The following IKZF2 variants were observed in gnomAD, a reference collection of about 807,000 sequenced individuals.
IKZF2 encodes the protein zinc finger protein Helios.
IKZF2 carries 15 observed loss-of-function variants against 49.2 expected under a neutral mutation model. The ratio of observed to expected loss-of-function variants is 0.30; its 90% CI spans 0.20 to 0.47. The LOEUF (loss-of-function observed/expected upper bound fraction) is 0.47. IKZF2 is among the 20% of genes least tolerant of loss of function. The pLI, the probability that IKZF2 is intolerant of heterozygous loss-of-function variation, is 1.00. For synonymous variants in IKZF2, 227 were observed against 221.4 expected, an observed-to-expected ratio of 1.03 and a Z score of -0.23; for missense variants, 567 against 664.6, an observed-to-expected ratio of 0.85 and a Z score of 1.61.
intron 5 of IKZF2, among the ~76,000 whole-genome samples, chr2:213,054,448 A>G (rs1319753813): frequency 2.6e-5 from 4 of 152,194 alleles, no homozygotes; most frequent in African/African-American, 7.2e-5. Context: ...ATTTTTCTCA[A>G]TCTAGTTTAA....
intron 7 of IKZF2, among the ~76,000 whole-genome samples, chr2:213,016,718 T>C (rs1448630773): frequency 6.6e-6 from 1 of 152,132 alleles, no homozygotes; most frequent in Non-Finnish European, 1.5e-5. Flanking sequence ...AAAAACATAA[T>C]TCCATTAGAT....
chr2:213,055,213 T>C (rs1361676436), intron 5 of IKZF2, among the ~76,000 whole-genome samples: 1 of 152,104 alleles, frequency 6.6e-6, no homozygotes, highest in Non-Finnish European at 1.5e-5. Flanking sequence ...TCTTCCTTAA[T>C]ACAATCACTC....
rs187689762 is a variant in IKZF2 at position 213,023,031 on chromosome 2, C to G, written c.575-901G>C. Among the ~76,000 whole-genome samples the G allele has an allele frequency of 5.3e-5, 8 of 152,248 alleles. No homozygotes were observed. In the East Asian group the frequency reaches 1.5e-3, roughly 29 times the overall value. The stretch of plus-strand genomic sequence containing the variant: ...CTCTTCATAAGGACATCACAGAGCA[C>G]TTTGACTCTTGGTTTTGAATGAATA... On this transcript the variant is annotated intron_variant, in intron 6 of 8. Transcript: ENST00000434687.
chr2:213,117,286 CTTA>C (rs1391715167), intron 4 of IKZF2, among the ~76,000 whole-genome samples: 1 of 152,030 alleles, frequency 6.6e-6, no homozygotes, highest in East Asian at 1.9e-4. Flanking sequence ...TATTGGAACA[CTTA>C]TTATATGCTC....
At chr2:213,118,738 A>C (rs1315595581) in intron 4 of IKZF2, among the ~76,000 whole-genome samples, 1 of 152,024 alleles carries the variant, frequency 6.6e-6, no homozygotes, top group Admixed American at 6.6e-5. Context: ...GTGAAAAAAG[A>C]GTCTCTACTC....
intron 4 of IKZF2, among the ~76,000 whole-genome samples, chr2:213,064,356 A>G (rs1318726983): frequency 6.6e-6 from 1 of 151,994 alleles, no homozygotes; most frequent in African/African-American, 2.4e-5. Flanking sequence ...GTAGAATTTT[A>G]TCTACATTTA....
chr2:213,116,510 G>A (rs1340699366), intron 4 of IKZF2, among the ~76,000 whole-genome samples: 1 of 152,168 alleles, frequency 6.6e-6, no homozygotes, highest in African/African-American at 2.4e-5. Flanking sequence ...CAAGGCGGGT[G>A]GATTGCTTGA....
chr2:213,065,435 T>C (rs933589922), intron 4 of IKZF2, among the ~76,000 whole-genome samples: 5 of 152,084 alleles, frequency 3.3e-5, no homozygotes, highest in African/African-American at 9.7e-5. Context: ...GTTGAACCAG[T>C]GCTGCTGATT....
chr2:213,130,442 G>A (rs16849821), intron 4 of IKZF2, among the ~76,000 whole-genome samples: 1,529 of 152,170 alleles, frequency 0.01, 24 homozygotes, highest in African/African-American at 0.035. Flanking sequence ...CAAAATATCC[G>A]TAAACTTCAC....
chr2:213,021,945 C>T lies in IKZF2; in HGVS notation c.712+48G>A, dbSNP rs756757174. The T allele has an allele frequency of 2.0e-6, 3 of 1,467,000 alleles. No homozygotes were observed. The South Asian group carries it at 3.9e-5, about 19-fold the overall frequency. 90.9% of individuals were successfully genotyped at this position (1,467,000 alleles called of 1,614,324 possible). A position where few individuals can be genotyped will look rare whatever the true frequency, so the allele number is the denominator to read the frequency against. On this transcript the variant is annotated intron_variant, in intron 7 of 8. Coordinates refer to ENST00000434687, the MANE Select transcript of IKZF2 (RefSeq NM_001387220.1). ...AAGATTTTATCTTCATGTTGAACTACAAAAGCAGTAGGGGGAAATAAAAAT... is the reference window on the plus strand; with the variant it reads ...AAGATTTTATCTTCATGTTGAACTATAAAAGCAGTAGGGGGAAATAAAAAT...
intron 4 of IKZF2, among the ~76,000 whole-genome samples, chr2:213,082,941 AG>A (rs1704108029): frequency 6.6e-6 from 1 of 152,196 alleles, no homozygotes; most frequent in African/African-American, 2.4e-5. Flanking sequence ...TTTGGTTTGC[AG>A]GGTTTTTAAC....
intron 4 of IKZF2, among the ~76,000 whole-genome samples, chr2:213,145,685 C>T (rs1170612114): frequency 2.6e-5 from 4 of 152,018 alleles, no homozygotes; most frequent in African/African-American, 4.8e-5. Context: ...AAGTGGGTAA[C>T]CTAGATACTG....
At chr2:213,139,014 T>G (rs1339414743) in intron 4 of IKZF2, among the ~76,000 whole-genome samples, 2 of 152,006 alleles carry the variant, frequency 1.3e-5, no homozygotes, top group African/African-American at 2.4e-5. Context: ...AAGTTCGAAT[T>G]TATGGCAATA....
chr2:213,107,460 A>C (rs2059571895), intron 4 of IKZF2, among the ~76,000 whole-genome samples: 2 of 152,206 alleles, frequency 1.3e-5, no homozygotes, highest in South Asian at 4.1e-4. Flanking sequence ...AGTATCACAA[A>C]ATTCTAATTG....
chr2:213,017,646 G>T (rs971690325), intron 7 of IKZF2, among the ~76,000 whole-genome samples: 1 of 152,084 alleles, frequency 6.6e-6, no homozygotes, highest in Non-Finnish European at 1.5e-5. Context: ...ATTGGTAGTT[G>T]TTCACATATG....
chr2:213,089,523 C>A (rs1267906359), intron 4 of IKZF2, among the ~76,000 whole-genome samples: 3 of 152,156 alleles, frequency 2.0e-5, no homozygotes, highest in Non-Finnish European at 4.4e-5. Flanking sequence ...AAACTGGTAC[C>A]CTTGCTGTTC....
In IKZF2 at chr2:213,005,879, A is replaced by T. The variant is rs1249089205; in HGVS notation, c.*1481T>A. The T allele has an allele frequency of 6.6e-6, 1 of 152,090 alleles. No homozygotes were observed. The highest frequency in any genetic ancestry group is 1.5e-5 in the Non-Finnish European group (1 of 67,988). The allele number at this position is 152,090 out of a possible 1,614,324, so 9.4% of individuals were successfully genotyped here. ...CTATACCATGTAAGGGGAATTCTAT[A>T]CTAAGGGATTGAGATTCATTTCTGA... On this transcript the variant is annotated 3_prime_UTR_variant, in exon 9 of 9. Transcript: ENST00000434687.
At chr2:213,013,756 C>T (rs1696247166) in intron 8 of IKZF2, 35 bp downstream of exon 8, 1 of 1,582,966 alleles carries the variant, frequency 6.3e-7, no homozygotes, top group Admixed American at 1.8e-5. Flanking sequence ...ATTAACATCA[C>T]CTTGCAAAGA....
chr2:213,132,157 C>G (rs746828917), intron 4 of IKZF2, among the ~76,000 whole-genome samples: 2 of 152,070 alleles, frequency 1.3e-5, no homozygotes, highest in East Asian at 1.9e-4. Flanking sequence ...CTATCCCAGT[C>G]GGTTAGGTGC....
Sources: allele counts gnomAD v4.1 joint callset (sites outside exome capture counted in the v4.1 genomes callset), GRCh38; gene constraint gnomAD v4.1.1; transcripts MANE v1.5; gene names NCBI Gene and HGNC (gene_info 2026-07-23, HGNC 2026-07-21).